The following PKIB variants were observed in gnomAD, a reference collection of about 807,000 sequenced individuals.
PKIB encodes the protein PKI-beta.
In PKIB, 2 loss-of-function variants were observed where a neutral mutation model predicts 4.5. The ratio of observed to expected loss-of-function variants is 0.44; its 90% CI spans 0.18 to 1.39. PKIB has a LOEUF of 1.39. PKIB is among the 40% of genes most tolerant of loss of function. PKIB has a pLI of 0.27. For missense variants in PKIB, 94 were observed against 92.6 expected, an observed-to-expected ratio of 1.02 and a Z score of -0.06; for synonymous variants, 38 against 36.0, an observed-to-expected ratio of 1.06 and a Z score of -0.20.
At chr6:122,591,041 CAAAA>C (rs1396647673) in intron 3 of PKIB, among the ~76,000 whole-genome samples, 4 of 150,324 alleles carry the variant, frequency 2.7e-5, no homozygotes, top group African/African-American at 7.3e-5. Flanking sequence ...AACAGACAAA[CAAAA>C]AAACAAACCC....
At chr6:122,637,404 A>C (rs1425588633) in intron 2 of PKIB, among the ~76,000 whole-genome samples, 4 of 152,138 alleles carry the variant, frequency 2.6e-5, no homozygotes, top group Non-Finnish European at 5.9e-5. Context: ...TTATCTCCTG[A>C]AGGCACACAG....
intron 2 of PKIB, among the ~76,000 whole-genome samples, chr6:122,635,969 G>C (rs370950163): frequency 6.6e-6 from 1 of 151,948 alleles, no homozygotes; most frequent in African/African-American, 2.4e-5. Context: ...TTTAACCAAC[G>C]CAATAAATGT....
chr6:122,660,828 C>A (rs1400526569), intron 2 of PKIB, among the ~76,000 whole-genome samples: 1 of 152,092 alleles, frequency 6.6e-6, no homozygotes, highest in African/African-American at 2.4e-5. Flanking sequence ...AGAGAAAACC[C>A]ACTGATTGAT....
chr6:122,504,836 G>T (rs1005047032), intron 2 of PKIB, among the ~76,000 whole-genome samples: 1 of 152,130 alleles, frequency 6.6e-6, no homozygotes, highest in Non-Finnish European at 1.5e-5. Flanking sequence ...CACTTTTCAG[G>T]TCATGTCCTG....
rs78933492 is a variant in PKIB at position 122,591,218 on chromosome 6, A to C, written c.-161+5211A>C. Among the ~76,000 whole-genome samples, 24 of 140,352 alleles carry C rather than the reference A, an allele frequency of 1.7e-4. No individual in the cohort carries two copies. In the East Asian group the frequency reaches 3.3e-3, roughly 19 times the overall value. The allele number at this position is 140,352 out of a possible 152,430, so 92.1% of individuals were successfully genotyped here. Reference sequence around the variant, plus strand: ...TCGACACACACACACACACACACACACCCCCCACATACACACACGTTTTCC... The same window carrying C: ...TCGACACACACACACACACACACACCCCCCCCACATACACACACGTTTTCC... On this transcript the variant is annotated intron_variant, in intron 3 of 6. Coordinates refer to the PKIB transcript ENST00000392491.
intron 3 of PKIB, among the ~76,000 whole-genome samples, chr6:122,598,904 C>T (rs1386344367): frequency 6.6e-6 from 1 of 152,128 alleles, no homozygotes; most frequent in East Asian, 1.9e-4. Context: ...TTCTATGTTC[C>T]TTCCACCATT....
chr6:122,720,028 T>C lies in PKIB; in HGVS notation c.169+2065T>C, dbSNP rs377281481. Among the ~76,000 whole-genome samples the C allele has an allele frequency of 5.3e-5, 8 of 152,314 alleles. No homozygotes were observed. In the East Asian group the frequency reaches 1.5e-3, roughly 29 times the overall value. On this transcript the variant is annotated intron_variant, in intron 4 of 4. Coordinates refer to ENST00000368452, the MANE Select transcript of PKIB (RefSeq NM_181795.3). ...TCTCATTAGCTAAGCATAGATGTTATTATGAATTTTAAAATGAATGGTTTC... is the reference window on the plus strand; with the variant it reads ...TCTCATTAGCTAAGCATAGATGTTACTATGAATTTTAAAATGAATGGTTTC...
intron 2 of PKIB, among the ~76,000 whole-genome samples, chr6:122,641,061 A>T (rs567899767): frequency 1.4e-4 from 22 of 152,214 alleles, no homozygotes; most frequent in Non-Finnish European, 2.2e-4. Flanking sequence ...TAAAGAAATA[A>T]AATGCAACAG....
intron 2 of PKIB, among the ~76,000 whole-genome samples, chr6:122,656,596 C>T (rs1053876510): frequency 2.0e-5 from 3 of 152,096 alleles, no homozygotes; most frequent in African/African-American, 7.2e-5. Flanking sequence ...TGAGGCAGGG[C>T]CATGGAGTTG....
intron 1 of PKIB, among the ~76,000 whole-genome samples, chr6:122,627,244 CAA>C (rs1172995969): frequency 1.0e-4 from 13 of 129,194 alleles, no homozygotes; most frequent in Admixed American, 1.6e-4. Context: ...ACTCCGTCTC[CAA>C]AAAAAAAAAA....
rs528062925 is a variant in PKIB, at chr6:122,506,786, G to A, written c.-248+28847G>A. Among the ~76,000 whole-genome samples, 10 of 140,480 alleles carry A rather than the reference G, an allele frequency of 7.1e-5. 1 individual carries two copies. The South Asian group carries it at 1.2e-3, about 17-fold the overall frequency. The allele number at this position is 140,480 out of a possible 152,430, so 92.2% of individuals were successfully genotyped here. A position where few individuals can be genotyped will look rare whatever the true frequency, so the allele number is the denominator to read the frequency against. The stretch of plus-strand genomic sequence containing the variant: ...GCAATCTCGGCTCACTGCAAGCTCC[G>A]CCTCCCGGGTTCACGCCATTCTCCT... On this transcript the variant is annotated intron_variant, in intron 2 of 6. Coordinates refer to the PKIB transcript ENST00000392491.
chr6:122,701,470 C>A, intron 3 of PKIB: 1 of 1,592,680 alleles, frequency 6.3e-7, no homozygotes, highest in Non-Finnish European at 8.6e-7. Context: ...CTGCCAAACA[C>A]AGGCTGAACC....
At chr6:122,505,367 C>T (rs1040849290) in intron 2 of PKIB, among the ~76,000 whole-genome samples, 1 of 152,178 alleles carries the variant, frequency 6.6e-6, no homozygotes, top group African/African-American at 2.4e-5. Flanking sequence ...CCAGTTTATA[C>T]AGGCACCCCA....
chr6:122,613,951 G>T (rs1774874233), intron 1 of PKIB, among the ~76,000 whole-genome samples: 1 of 107,188 alleles, frequency 9.3e-6, no homozygotes, highest in African/African-American at 3.4e-5. Context: ...GACAGAGTGA[G>T]ACTCCATCAA....
rs540305992 is a variant in PKIB at position 122,692,189 on chromosome 6, C to G, written c.-9+17045C>G. The stretch of plus-strand genomic sequence containing the variant: ...TTGCCCAAGGCCCGCTGTAACCATC[C>G]CCTGTCTATAGCCTATGTTTGCTCA... On this transcript the variant is annotated intron_variant, in intron 3 of 4. Transcript: ENST00000368452. 2.6e-5 allele frequency among the ~76,000 whole-genome samples: 4 copies of G among 152,324 alleles called. No individual in the cohort carries two copies. The East Asian group carries it at 7.7e-4, about 29-fold the overall frequency.
At chr6:122,524,039 T>C (rs1777024424) in intron 2 of PKIB, among the ~76,000 whole-genome samples, 1 of 152,188 alleles carries the variant, frequency 6.6e-6, no homozygotes, top group African/African-American at 2.4e-5. Flanking sequence ...CTAATATTAA[T>C]ATTTTGTTGA....
chr6:122,601,337 A>T (rs1033471799), intron 3 of PKIB, among the ~76,000 whole-genome samples: 12 of 152,294 alleles, frequency 7.9e-5, no homozygotes, highest in African/African-American at 2.6e-4. Context: ...AAAATGACTT[A>T]AAATTATTAA....
At chr6:122,667,641 G>A (rs1035580280) in intron 2 of PKIB, among the ~76,000 whole-genome samples, 17 of 152,192 alleles carry the variant, frequency 1.1e-4, no homozygotes, top group Admixed American at 6.5e-5. Flanking sequence ...ATATAGGTAA[G>A]AAAGTAATAT....
chr6:122,670,689 T>C (rs1426106688), intron 2 of PKIB, among the ~76,000 whole-genome samples: 1 of 152,232 alleles, frequency 6.6e-6, no homozygotes, highest in Non-Finnish European at 1.5e-5. Flanking sequence ...TTACTATGTG[T>C]CAGGCAGAGT....
Sources: gnomAD v4.1 joint callset for allele counts (sites outside exome capture counted in the v4.1 genomes callset) on GRCh38, gnomAD v4.1.1 for gene constraint, MANE v1.5 for transcripts, NCBI Gene and HGNC (gene_info 2026-07-23, HGNC 2026-07-21) for gene names.